SFXN5: variants seen among roughly 807,000 people sequenced by gnomAD.
SFXN5 encodes the protein sideroflexin 5.
Under a neutral mutation model 50.2 loss-of-function variants are expected in SFXN5, and 43 were observed. The ratio of observed to expected loss-of-function variants is 0.86; its 90% confidence interval spans 0.67 to 1.11. The LOEUF (loss-of-function observed/expected upper bound fraction) is 1.11. Ranked by LOEUF, SFXN5 falls within the 50% of genes least tolerant of loss-of-function variation. SFXN5 has a pLI of 0.00. For missense variants in SFXN5, 463 were observed against 454.1 expected (o/e 1.02, Z -0.18); for synonymous variants, 203 against 185.8 (o/e 1.09, Z -0.75).
At chr2:72,959,755 G>A (rs1267051324) in intron 13 of SFXN5, among the ~76,000 whole-genome samples, 1 of 151,966 alleles carries the variant, frequency 6.6e-6, no homozygotes, top group African/African-American at 2.4e-5. Context: ...CAGCGTCCTC[G>A]ACATCTCTCC....
chr2:73,033,459 A>G (rs1678571085), intron 3 of SFXN5, among the ~76,000 whole-genome samples: 1 of 152,230 alleles, frequency 6.6e-6, no homozygotes, highest in Non-Finnish European at 1.5e-5. Flanking sequence ...CAGGTGGCAG[A>G]GATGGAGATT....
At chr2:72,969,076 G>A (rs895952244) in intron 11 of SFXN5, among the ~76,000 whole-genome samples, 6 of 152,084 alleles carry the variant, frequency 3.9e-5, no homozygotes, top group African/African-American at 1.4e-4. Context: ...CCAAAGTACT[G>A]GGATTACAGG....
At chr2:72,990,017 C>A (rs1255407170) in intron 9 of SFXN5, among the ~76,000 whole-genome samples, 2 of 152,240 alleles carry the variant, frequency 1.3e-5, no homozygotes, top group Non-Finnish European at 2.9e-5. Flanking sequence ...GACGCAGAGC[C>A]TTGGGAAGGC....
intron 3 of SFXN5, among the ~76,000 whole-genome samples, chr2:73,039,498 T>C (rs1679348399): frequency 1.3e-5 from 2 of 152,150 alleles, no homozygotes; most frequent in Non-Finnish European, 2.9e-5. Flanking sequence ...ACTGAATATG[T>C]ATAGGCCCCA....
chr2:72,979,694 A>G (rs1671061478), intron 10 of SFXN5, among the ~76,000 whole-genome samples: 1 of 152,230 alleles, frequency 6.6e-6, no homozygotes, highest in Non-Finnish European at 1.5e-5. Context: ...TGTGGCTATT[A>G]AGGAGAAGTT....
chr2:73,021,399 G>A (rs1010888298), intron 5 of SFXN5, among the ~76,000 whole-genome samples: 2 of 152,150 alleles, frequency 1.3e-5, no homozygotes, highest in Admixed American at 6.5e-5. Context: ...CAGGAGAATC[G>A]CTTGAATCTG....
rs1672769010 is a variant in SFXN5, at chr2:72,953,621, C to T, written c.945+7510G>A. 6.6e-6 allele frequency among the ~76,000 whole-genome samples: 1 copy of T among 152,138 alleles called. No individual in the cohort carries two copies. The highest frequency in any genetic ancestry group is 2.4e-5 in the African/African-American group (1 of 41,412). ...CATGGAAGGGAGAAAGGTCTACTGT[C>T]CTAAGGGGGAAGATGGAACACAGAA... is the stretch of plus-strand genomic sequence containing the variant. On this transcript the variant is annotated intron_variant, in intron 13 of 13. Coordinates refer to ENST00000272433, the MANE Select transcript of SFXN5 (RefSeq NM_144579.3). The surrounding 1 kb of genome is among the most constrained non-coding windows in gnomAD (Gnocchi z 4.1).
intron 6 of SFXN5, among the ~76,000 whole-genome samples, chr2:73,016,703 A>AAAACAAAC: frequency 6.6e-6 from 1 of 152,296 alleles, no homozygotes; most frequent in South Asian, 2.1e-4. Flanking sequence ...GACTCTGTCT[A>AAAACAAAC]AAACAAACAA....
intron 6 of SFXN5, among the ~76,000 whole-genome samples, chr2:73,016,726 T>C (rs1459759138): frequency 6.6e-6 from 1 of 151,732 alleles, no homozygotes; most frequent in Admixed American, 6.6e-5. Context: ...AAACAAACAA[T>C]GAAACCACAA....
intron 5 of SFXN5, among the ~76,000 whole-genome samples, chr2:73,021,680 C>T (rs551391258): frequency 1.3e-5 from 2 of 152,258 alleles, no homozygotes; most frequent in African/African-American, 4.8e-5. Flanking sequence ...ACTGAGACCG[C>T]CTTTCTCCAG....
chr2:73,035,493 CTTTTTTTTTT>C (rs761321478), intron 3 of SFXN5, among the ~76,000 whole-genome samples: 15 of 101,848 alleles, frequency 1.5e-4, no homozygotes, highest in African/African-American at 6.5e-4. Context: ...GTATCGCAAT[CTTTTTTTTTT>C]TTTTTTTTTT....
At chr2:73,006,995 T>C (rs186651619) in intron 6 of SFXN5, among the ~76,000 whole-genome samples, 171 of 152,298 alleles carry the variant, frequency 1.1e-3, no homozygotes, top group African/African-American at 3.9e-3. Flanking sequence ...AAATCACATC[T>C]TCACTTTGGG....
intron 1 of SFXN5, among the ~76,000 whole-genome samples, chr2:73,068,977 T>C (rs1052419745): frequency 2.1e-5 from 3 of 141,550 alleles, no homozygotes; most frequent in Non-Finnish European, 4.6e-5. Flanking sequence ...GGGAACGTGG[T>C]GGGTTCAGAG....
chr2:73,039,641 T>C (rs1679364953), intron 3 of SFXN5, among the ~76,000 whole-genome samples: 1 of 152,112 alleles, frequency 6.6e-6, no homozygotes, highest in African/African-American at 2.4e-5. Context: ...GAAATAGCAG[T>C]GTAGATAAGC....
chr2:73,061,982 TG>T (rs1682842405), intron 1 of SFXN5, among the ~76,000 whole-genome samples: 1 of 152,012 alleles, frequency 6.6e-6, no homozygotes, highest in South Asian at 2.1e-4. Context: ...CCAGGCATGG[TG>T]GTATACACCT....
At chr2:73,037,651 G>A (rs540452152) in intron 3 of SFXN5, among the ~76,000 whole-genome samples, 8 of 152,262 alleles carry the variant, frequency 5.3e-5, no homozygotes, top group African/African-American at 1.4e-4. Flanking sequence ...AAAACAGACC[G>A]CAAAGAATCA....
At chr2:73,038,007 G>C (rs969778760) in intron 3 of SFXN5, among the ~76,000 whole-genome samples, 1 of 152,134 alleles carries the variant, frequency 6.6e-6, no homozygotes, top group Admixed American at 6.5e-5. Context: ...AGATTGCAAG[G>C]AGCACTGAAA....
chr2:72,963,810 G>A (rs1674046306), intron 12 of SFXN5, among the ~76,000 whole-genome samples: 1 of 152,160 alleles, frequency 6.6e-6, no homozygotes. Context: ...ACAGGAACCT[G>A]TGATCCCACC....
At chr2:73,066,014 A>G (rs1266498798) in intron 1 of SFXN5, among the ~76,000 whole-genome samples, 1 of 152,230 alleles carries the variant, frequency 6.6e-6, no homozygotes, top group African/African-American at 2.4e-5. Context: ...GGAAGAGGAA[A>G]GGAAGCAAAG....
Sources: gnomAD v4.1 joint callset for allele counts (sites outside exome capture counted in the v4.1 genomes callset) on GRCh38, gnomAD v4.1.1 for gene constraint, Gnocchi (gnomAD v3.1) non-coding constraint, MANE v1.5 for transcripts, NCBI Gene and HGNC (gene_info 2026-07-23, HGNC 2026-07-21) for gene names.